Variants in ARHGAP6 observed in about 807,000 individuals in gnomAD.
ARHGAP6 encodes rho GTPase-activating protein 6.
A neutral mutation model predicts 55.7 loss-of-function variants in ARHGAP6; 16 were observed. The ratio of observed to expected loss-of-function variants is 0.29; its 90% CI spans 0.19 to 0.44. The LOEUF (loss-of-function observed/expected upper bound fraction) is 0.44, where lower values mean the gene tolerates loss of function less well. Among genes scored for constraint, ARHGAP6 ranks in the 20% least tolerant of loss-of-function variants. The probability of loss-of-function intolerance (pLI) is 1.00; values close to 1 mark genes in which losing one functional copy is unlikely to be tolerated. For synonymous variants in ARHGAP6, 382 were observed against 360.9 expected (o/e 1.06, Z -0.66); for missense variants, 698 against 808.9 (o/e 0.86, Z 1.66).
intron 1 of ARHGAP6, among the ~76,000 whole-genome samples, chrX:11,316,983 G>A (rs1229868366): frequency 5.3e-5 from 6 of 112,236 alleles, no homozygotes; most frequent in African/African-American, 1.9e-4. Flanking sequence ...GGTATTTATT[G>A]TTCTGGTTGA....
rs190946377 is a variant in ARHGAP6 at position 11,647,315 on chromosome X, T to C, written c.588+16926A>G. On this transcript the variant is annotated intron_variant, in intron 1 of 12. Coordinates refer to ENST00000337414, the MANE Select transcript of ARHGAP6 (RefSeq NM_013427.3). ...AGAATGCTGCTGATGTAAATGAATA[T>C]GTACTCAAAGCTTAGCTCTTCCTCC... 2.5e-4 allele frequency among the ~76,000 whole-genome samples: 28 copies of C among 112,378 alleles called. No homozygotes were observed. In the East Asian group the frequency reaches 4.8e-3, roughly 19 times the overall value.
intron 1 of ARHGAP6, among the ~76,000 whole-genome samples, chrX:11,404,878 A>G (rs1325964551): frequency 8.9e-6 from 1 of 111,804 alleles, no homozygotes; most frequent in East Asian, 2.8e-4. Context: ...TCTCTAATGG[A>G]GACATTTTCA....
At chrX:11,521,590 G>A (rs1294903445) in intron 1 of ARHGAP6, among the ~76,000 whole-genome samples, 14 of 111,676 alleles carry the variant, frequency 1.3e-4, no homozygotes, top group East Asian at 5.6e-4. Flanking sequence ...GTCAGGTAGC[G>A]TGATGCCTCC....
intron 1 of ARHGAP6, among the ~76,000 whole-genome samples, chrX:11,315,241 A>G (rs2048345277): frequency 8.9e-6 from 1 of 112,467 alleles, no homozygotes; most frequent in South Asian, 3.7e-4. Context: ...CAACTTTTCC[A>G]CAGACAGTGC....
chrX:11,145,121 T>C (rs2045671952), intron 10 of ARHGAP6: 1 of 112,582 alleles, frequency 8.9e-6, no homozygotes, highest in East Asian at 2.8e-4. Context: ...CCTGACAACA[T>C]CTTGAAGGGA....
intron 1 of ARHGAP6, among the ~76,000 whole-genome samples, chrX:11,503,331 G>A (rs2050699539): frequency 8.9e-6 from 1 of 111,841 alleles, no homozygotes. Context: ...TTTCCTCAGT[G>A]AAACTTCGCT....
intron 1 of ARHGAP6, among the ~76,000 whole-genome samples, chrX:11,649,975 CA>C (rs761754632): frequency 1.4e-3 from 152 of 106,736 alleles, no homozygotes; most frequent in Admixed American, 2.5e-3. Flanking sequence ...TCTTCTTGAC[CA>C]TTCAACTTTC....
At chrX:11,608,613 C>CA (rs746641973) in intron 1 of ARHGAP6, among the ~76,000 whole-genome samples, 90 of 111,703 alleles carry the variant, frequency 8.1e-4, no homozygotes, top group African/African-American at 2.5e-3. Context: ...TGCCCCCACC[C>CA]AAATCTCATC....
intron 2 of ARHGAP6, among the ~76,000 whole-genome samples, chrX:11,199,294 T>C (rs1298837729): frequency 4.5e-5 from 5 of 112,304 alleles, no homozygotes; most frequent in Non-Finnish European, 9.4e-5. Context: ...CAAGTCTCCC[T>C]GAGACGGTGG....
chrX:11,235,986 C>T (rs749895152), intron 2 of ARHGAP6, among the ~76,000 whole-genome samples: 24 of 111,977 alleles, frequency 2.1e-4, no homozygotes, highest in Non-Finnish European at 4.1e-4. Context: ...ATGGCTCCAA[C>T]CTTTGCCTAT....
intron 1 of ARHGAP6, among the ~76,000 whole-genome samples, chrX:11,607,690 A>T (rs766900173): frequency 1.1e-4 from 12 of 112,428 alleles, no homozygotes; most frequent in Non-Finnish European, 2.1e-4. Flanking sequence ...TCAACTTCTT[A>T]TTGTTGGCTT....
At chrX:11,397,211 A>G (rs1199465152) in intron 1 of ARHGAP6, among the ~76,000 whole-genome samples, 1 of 111,696 alleles carries the variant, frequency 9.0e-6, no homozygotes, top group Non-Finnish European at 1.9e-5. Context: ...TACTATCTGG[A>G]GATAGATGGA....
At position 11,254,640 on chromosome X, in the gene ARHGAP6, A is replaced by T; in HGVS notation, c.656T>A (p.Leu219His). The T allele has an allele frequency of 8.3e-7, 1 of 1,205,292 alleles. No individual in the cohort carries two copies. ...VRLRSVPIQS[L>H]SELERARLQE... ...CAGCCGGGCCCTCTCCAGCTCTGAG[A>T]GACTCTGGATGGGGACTGACCTCAG... Residue 219 changes from leucine to histidine, a missense_variant, in exon 2 of 13, where the codon CTC (leucine) becomes CAC (histidine). Transcript: ENST00000337414.
chrX:11,165,042 T>C (rs1378260757), intron 9 of ARHGAP6, among the ~76,000 whole-genome samples: 15 of 112,362 alleles, frequency 1.3e-4, no homozygotes, highest in Non-Finnish European at 1.9e-5. Flanking sequence ...TATCATTTTA[T>C]GTTAGCCAGT....
chrX:11,245,892 A>G (rs5934985), intron 2 of ARHGAP6, among the ~76,000 whole-genome samples: 2,565 of 112,060 alleles, frequency 0.023, 30 homozygotes, highest in Middle Eastern at 0.069. Context: ...CAGGCTGCAA[A>G]CTAAATGGAT....
At chrX:11,302,825 T>A (rs1205969734) in intron 1 of ARHGAP6, among the ~76,000 whole-genome samples, 2 of 110,289 alleles carry the variant, frequency 1.8e-5, no homozygotes, top group Non-Finnish European at 3.8e-5. Flanking sequence ...AAAAATCATA[T>A]CAAGAAAAAA....
chrX:11,278,887 C>T (rs779354875), intron 1 of ARHGAP6, among the ~76,000 whole-genome samples: 12 of 110,784 alleles, frequency 1.1e-4, no homozygotes, highest in African/African-American at 3.9e-4. Context: ...CCATATCACT[C>T]GAATTCCCCA....
chrX:11,510,319 G>T (rs906211472), intron 1 of ARHGAP6, among the ~76,000 whole-genome samples: 2 of 111,120 alleles, frequency 1.8e-5, no homozygotes, highest in Non-Finnish European at 3.8e-5. Context: ...GTGATAGGCG[G>T]CACCAGTGGC....
intron 1 of ARHGAP6, among the ~76,000 whole-genome samples, chrX:11,304,618 C>T (rs1355758881): frequency 9.1e-6 from 1 of 109,421 alleles, no homozygotes; most frequent in African/African-American, 3.3e-5. Flanking sequence ...GAGGCTAGAA[C>T]TTGAGACCAC....
Sources: allele counts gnomAD v4.1 joint callset (sites outside exome capture counted in the v4.1 genomes callset), GRCh38; gene constraint gnomAD v4.1.1; transcripts MANE v1.5; gene names NCBI Gene and HGNC (gene_info 2026-07-23, HGNC 2026-07-21).